RASGRP1: variants seen among roughly 807,000 people sequenced by gnomAD.
The protein encoded by RASGRP1 is RAS guanyl-releasing protein 1.
Under a neutral mutation model 95.1 loss-of-function variants are expected in RASGRP1, and 37 were observed. That is an observed-to-expected ratio of 0.39 (90% CI 0.30 to 0.51). The LOEUF is 0.51. Ranked by LOEUF, RASGRP1 falls within the 20% of genes least tolerant of loss-of-function variation. The probability of loss-of-function intolerance (pLI) is 0.80; values close to 1 mark genes in which losing one functional copy is unlikely to be tolerated. For synonymous variants in RASGRP1, 325 were observed against 353.4 expected, an observed-to-expected ratio of 0.92 and a Z score of 0.90; for missense variants, 711 against 965.4, an observed-to-expected ratio of 0.74 and a Z score of 3.49.
intron 7 of RASGRP1, 41 bp downstream of exon 7, chr15:38,512,742 A>C: frequency 6.2e-7 from 1 of 1,608,816 alleles, no homozygotes; most frequent in Non-Finnish European, 8.5e-7. Context: ...TAGAAAGTTT[A>C]CCTTATAGCC....
chr15:38,564,292 A>G (rs28693900), intron 1 of RASGRP1, among the ~76,000 whole-genome samples: 89,500 of 152,048 alleles, frequency 0.59, 27,337 homozygotes, highest in African/African-American at 0.75. Flanking sequence ...TGGGGGAGGA[A>G]GTCGGCGGGC....
intron 9 of RASGRP1, among the ~76,000 whole-genome samples, chr15:38,506,792 T>C (rs1891278143): frequency 6.6e-6 from 1 of 152,180 alleles, no homozygotes; most frequent in Non-Finnish European, 1.5e-5. Flanking sequence ...TATTTAAAAA[T>C]AAATGGCTTA....
chr15:38,532,138 A>G (rs192913316), intron 2 of RASGRP1, among the ~76,000 whole-genome samples: 102 of 152,316 alleles, frequency 6.7e-4, no homozygotes, highest in Middle Eastern at 6.8e-3. Context: ...CTGCAAGCTG[A>G]TTTAAATATT....
chr15:38,548,560 C>T (rs983099894), intron 2 of RASGRP1, among the ~76,000 whole-genome samples: 3 of 152,104 alleles, frequency 2.0e-5, no homozygotes, highest in Non-Finnish European at 4.4e-5. Flanking sequence ...TGTGACACAG[C>T]AAGACCCTGT....
chr15:38,560,474 G>A (rs7173298), intron 1 of RASGRP1, among the ~76,000 whole-genome samples: 50,193 of 151,986 alleles, frequency 0.33, 8,559 homozygotes, highest in Middle Eastern at 0.44. Flanking sequence ...CTGAGGTCGG[G>A]AGTTCGAGAT....
chr15:38,538,230 C>T, intron 2 of RASGRP1, among the ~76,000 whole-genome samples: 1 of 152,166 alleles, frequency 6.6e-6, no homozygotes, highest in East Asian at 1.9e-4. Context: ...CACCACTGCA[C>T]TCTAGCCTGG....
intron 2 of RASGRP1, among the ~76,000 whole-genome samples, chr15:38,553,747 G>C (rs1346936040): frequency 3.3e-5 from 5 of 152,204 alleles, no homozygotes; most frequent in African/African-American, 1.2e-4. Flanking sequence ...AGAAGAGATA[G>C]GAATGCAGAA....
At chr15:38,518,482 T>C (rs1490166456) in intron 4 of RASGRP1, 59 bp from the exon 5 acceptor site, 1 of 1,548,044 alleles carries the variant, frequency 6.5e-7, no homozygotes, top group Non-Finnish European at 8.8e-7. Context: ...TCACAATTTG[T>C]TGGGTTCCAA....
At chr15:38,554,141 CT>C (rs35615287) in intron 2 of RASGRP1, among the ~76,000 whole-genome samples, 54,723 of 151,690 alleles carry the variant, frequency 0.36, 11,117 homozygotes, top group African/African-American at 0.56. Context: ...TGGAGAATCT[CT>C]GGAGTAGCAG....
chr15:38,518,319 T>C lies in RASGRP1; in HGVS notation c.494A>G (p.His165Arg). Reference sequence around the variant, plus strand: ...TTGAGTTGTGTCAATCAGGCGGCAATGTAACTCCTCACCCTTAGCTTTCAC... The same window carrying C: ...TTGAGTTGTGTCAATCAGGCGGCAACGTAACTCCTCACCCTTAGCTTTCAC... ...ELVKAKGEEL[H>R]CRLIDTTQIN... Residue 165 changes from histidine (H) to arginine (R), a missense_variant, in exon 5 of 17, where the codon CAT (histidine) becomes CGT (arginine). His to Arg is a conservative substitution (Grantham distance 29, BLOSUM62 0). Around this residue, in one of 3 missense-constraint regions of RASGRP1, gnomAD observed 491 missense variants for 676.6 expected, o/e 0.73. Transcript: ENST00000310803. 6.2e-7 allele frequency: 1 copy of C among 1,610,634 alleles called. No individual in the cohort carries two copies. Among genetic ancestry groups the C allele is most frequent in the Non-Finnish European group, 8.5e-7 (1 of 1,178,524 alleles).
In RASGRP1 at chr15:38,518,318, A is replaced by G. The variant is rs148766586; in HGVS notation, c.495T>C (p.His165=). ...TTTGAGTTGTGTCAATCAGGCGGCAATGTAACTCCTCACCCTTAGCTTTCA... is the reference window on the plus strand; with the variant it reads ...TTTGAGTTGTGTCAATCAGGCGGCAGTGTAACTCCTCACCCTTAGCTTTCA... The part of the protein sequence containing the change: ...ELVKAKGEEL[H]CRLIDTTQIN... The change falls in exon 5 of 17, where the codon CAT becomes CAC. Residue 165 remains histidine, a synonymous_variant. Transcript: ENST00000310803. The G allele has an allele frequency of 1.6e-4, 257 of 1,610,640 alleles. No homozygotes were observed. The African/African-American group carries it at 2.9e-3, about 18-fold the overall frequency.
rs1890724890 is a variant in RASGRP1, at chr15:38,494,575, G to A, written c.2066C>T (p.Pro689Leu). Residue 689 changes from proline (P) to leucine (L), a missense_variant, in exon 16 of 17, where the codon CCC becomes CTC. Transcript: ENST00000310803. ...CTTCCTTGGGGAAGACAGCACAAAGGGACCTGAAGGGCCCTCACTGCCAAT... is the reference window on the plus strand; with the variant it reads ...CTTCCTTGGGGAAGACAGCACAAAGAGACCTGAAGGGCCCTCACTGCCAAT... ...PWIGSEGPSG[P>L]FVLSSPRKTA... 1.2e-5 allele frequency: 19 copies of A among 1,565,178 alleles called. No homozygotes were observed. The highest frequency in any genetic ancestry group is 1.5e-5 in the Non-Finnish European group (17 of 1,157,820).
intron 8 of RASGRP1, among the ~76,000 whole-genome samples, chr15:38,511,057 T>G (rs181756495): frequency 6.6e-6 from 1 of 152,326 alleles, no homozygotes; most frequent in Admixed American, 6.5e-5. Context: ...TACAGGACAT[T>G]TAAGAAAAAT....
At chr15:38,547,815 GGCACA>G (rs1762947131) in intron 2 of RASGRP1, among the ~76,000 whole-genome samples, 1 of 152,122 alleles carries the variant, frequency 6.6e-6, no homozygotes, top group Non-Finnish European at 1.5e-5. Flanking sequence ...AATCAGCTGT[GGCACA>G]GTCATGACAT....
At chr15:38,494,912 G>A in intron 15 of RASGRP1, 145 bp from the exon 16 acceptor site, 1 of 718,532 alleles carries the variant, frequency 1.4e-6, no homozygotes, top group Non-Finnish European at 1.9e-6. Flanking sequence ...ACCCAGTTTA[G>A]GGGGTGAGGG....
chr15:38,555,666 T>C (rs1429311443), intron 2 of RASGRP1, among the ~76,000 whole-genome samples: 1 of 127,766 alleles, frequency 7.8e-6, no homozygotes, highest in African/African-American at 3.5e-5. Context: ...GAGAGAGTAA[T>C]ATCTGACCTG....
intron 10 of RASGRP1, chr15:38,504,741 T>A (rs754753552): frequency 6.6e-6 from 1 of 152,252 alleles, no homozygotes; most frequent in African/African-American, 2.4e-5. Flanking sequence ...CGTAAGTGTA[T>A]AACCTAGACT....
In RASGRP1 at chr15:38,518,335, T is replaced by C; in HGVS notation, c.478A>G (p.Lys160Glu). 1 of 1,610,340 alleles carries C rather than the reference T, an allele frequency of 6.2e-7. No homozygotes were observed. Among genetic ancestry groups the C allele is most frequent in the Non-Finnish European group, 8.5e-7 (1 of 1,178,378 alleles). The stretch of plus-strand genomic sequence containing the variant: ...AGGCGGCAATGTAACTCCTCACCCT[T>C]AGCTTTCACCAGTTCCTGAAACTCC... ...MEEFQELVKAKGEELHCRLID... is the reference protein window; with the variant it reads ...MEEFQELVKAEGEELHCRLID... The change falls in exon 5 of 17, where the codon AAG becomes GAG. Residue 160 changes from lysine to glutamate, a missense_variant. Around this residue, in one of 3 missense-constraint regions of RASGRP1, gnomAD observed 491 missense variants for 676.6 expected, o/e 0.73. Coordinates refer to ENST00000310803, the MANE Select transcript of RASGRP1 (RefSeq NM_005739.4).
intron 2 of RASGRP1, among the ~76,000 whole-genome samples, chr15:38,547,858 C>T (rs7182426): frequency 0.077 from 11,692 of 151,576 alleles, 1,520 homozygotes; most frequent in African/African-American, 0.27. Context: ...TGTGTGTGTG[C>T]GCGCGCGCGT....
Sources: gnomAD v4.1 joint callset for allele counts (sites outside exome capture counted in the v4.1 genomes callset) on GRCh38, gnomAD v4.1.1 for gene constraint, gnomAD v4.1.1 regional missense constraint, MANE v1.5 for transcripts, NCBI Gene and HGNC (gene_info 2026-07-23, HGNC 2026-07-21) for gene names.